The following PPP1R13B variants were observed in gnomAD, a reference collection of about 807,000 sequenced individuals.
The protein encoded by PPP1R13B is protein phosphatase 1 regulatory subunit 13B.
A neutral mutation model predicts 119.8 loss-of-function variants in PPP1R13B; 44 were observed. The observed-to-expected ratio is 0.37, with a 90% CI of 0.29 to 0.47. The LOEUF is 0.47. PPP1R13B is among the 20% of genes least tolerant of loss of function. PPP1R13B has a pLI of 0.99. For synonymous variants in PPP1R13B, 542 were observed against 561.5 expected (o/e 0.97, Z 0.49); for missense variants, 1,227 against 1,413.5 (o/e 0.87, Z 2.12).
intron 8 of PPP1R13B, among the ~76,000 whole-genome samples, 187 bp downstream of exon 8, chr14:103,749,607 C>T (rs1475292474): frequency 2.0e-5 from 3 of 152,190 alleles, no homozygotes; most frequent in Non-Finnish European, 4.4e-5. Flanking sequence ...GGTTCTGCCT[C>T]CACACACCAG....
At chr14:103,803,327 C>T (rs2085943301) in intron 1 of PPP1R13B, among the ~76,000 whole-genome samples, 1 of 152,030 alleles carries the variant, frequency 6.6e-6, no homozygotes, top group African/African-American at 2.4e-5. Context: ...TTTATCCTTC[C>T]TAAATGATTA....
rs368698415 is a variant in PPP1R13B at position 103,839,384 on chromosome 14, T to C, written c.9+7915A>G. 3.2e-4 allele frequency among the ~76,000 whole-genome samples: 48 copies of C among 151,932 alleles called. No homozygotes were observed. The South Asian group carries it at 3.9e-3, about 12-fold the overall frequency. ...GCTCACGCCTGTTAACCCCAGCACT[T>C]TGGGGGGTTGAGGCAGGCAGATCAC... On this transcript the variant is annotated intron_variant, in intron 1 of 16. Transcript: ENST00000202556.
chr14:103,841,790 C>T (rs919650061), intron 1 of PPP1R13B, among the ~76,000 whole-genome samples: 5 of 152,064 alleles, frequency 3.3e-5, no homozygotes, highest in Non-Finnish European at 5.9e-5. Flanking sequence ...TAGAAGCCTG[C>T]CAAAACAAGT....
At position 103,738,746 on chromosome 14, in the gene PPP1R13B, G is replaced by A. The variant is rs1386063778; in HGVS notation, c.2797C>T (p.His933Tyr). Residue 933 changes from histidine to tyrosine, a missense_variant, in exon 14 of 17, where the codon CAC becomes TAC. By Grantham distance (83) the His-to-Tyr change is moderately conservative (BLOSUM62 2). Transcript: ENST00000202556. The surrounding 1 kb of genome is among the most constrained non-coding windows in gnomAD (Gnocchi z 5.6). ...AGCAGGAACTTCACGATGTGATGGTGGCCGGCGCAGACGGCGTTGTGCAGT... is the reference window on the plus strand; with the variant it reads ...AGCAGGAACTTCACGATGTGATGGTAGCCGGCGCAGACGGCGTTGTGCAGT... Reference protein sequence around the residue: ...TPLHNAVCAGHHHIVKFLLDF... With the variant: ...TPLHNAVCAGYHHIVKFLLDF... 1 of 1,614,238 alleles carries A rather than the reference G, an allele frequency of 6.2e-7. No individual in the cohort carries two copies.
At chr14:103,772,171 T>C (rs1439487647) in intron 4 of PPP1R13B, among the ~76,000 whole-genome samples, 2 of 151,358 alleles carry the variant, frequency 1.3e-5, no homozygotes, top group African/African-American at 2.4e-5. Flanking sequence ...GTATTAGTAG[T>C]TCATTTCTTC....
At chr14:103,756,789 C>T (rs868568915) in intron 5 of PPP1R13B, among the ~76,000 whole-genome samples, 1 of 151,940 alleles carries the variant, frequency 6.6e-6, no homozygotes, top group African/African-American at 2.4e-5. Flanking sequence ...GATGGAGTCT[C>T]GCTCTGTTGC....
chr14:103,808,227 G>C (rs2086064691), intron 1 of PPP1R13B, among the ~76,000 whole-genome samples: 1 of 150,440 alleles, frequency 6.6e-6, no homozygotes, highest in Non-Finnish European at 1.5e-5. Flanking sequence ...CCGGGCGACA[G>C]TGACTCTATC....
rs536374965 is a variant in PPP1R13B at position 103,821,953 on chromosome 14, GAACT to G, written c.10-24439_10-24436del. Among the ~76,000 whole-genome samples the G allele has an allele frequency of 9.2e-5, 14 of 152,140 alleles. No homozygotes were observed. The East Asian group carries it at 2.1e-3, about 23-fold the overall frequency. On this transcript the variant is annotated intron_variant, in intron 1 of 16. Transcript: ENST00000202556. ...TATAATTGAGCTATCATAAAATTAA[GAACT>G]AAATATGCTGCTTTTGAGTGAAAAA... is the stretch of plus-strand genomic sequence containing the variant.
chr14:103,832,645 G>A (rs1316999725), intron 1 of PPP1R13B, among the ~76,000 whole-genome samples: 1 of 152,136 alleles, frequency 6.6e-6, no homozygotes, highest in Non-Finnish European at 1.5e-5. Flanking sequence ...AACTTAAATT[G>A]CAGCACTTTA....
intron 1 of PPP1R13B, among the ~76,000 whole-genome samples, chr14:103,807,279 C>G (rs1221335350): frequency 6.6e-6 from 1 of 152,202 alleles, no homozygotes; most frequent in Non-Finnish European, 1.5e-5. Context: ...TAGCACTACT[C>G]CATCCCTCTG....
chr14:103,848,154 A>G (rs939822144), upstream of PPP1R13B: 31 of 813,554 alleles, frequency 3.8e-5, no homozygotes, highest in Non-Finnish European at 4.6e-5. Flanking sequence ...CTTCTCCCCC[A>G]CCGGCGTCTT....
intron 1 of PPP1R13B, among the ~76,000 whole-genome samples, chr14:103,798,301 G>A (rs566053159): frequency 5.3e-5 from 8 of 151,732 alleles, no homozygotes; most frequent in East Asian, 1.9e-4. Flanking sequence ...ACAGGCGCCC[G>A]CCACCACGCC....
chr14:103,784,387 A>G (rs2085402160), intron 3 of PPP1R13B, among the ~76,000 whole-genome samples: 1 of 152,012 alleles, frequency 6.6e-6, no homozygotes, highest in Non-Finnish European at 1.5e-5. Context: ...GTTCGAGACC[A>G]GCCTGGCCAA....
intron 4 of PPP1R13B, among the ~76,000 whole-genome samples, chr14:103,768,056 T>C (rs568543495): frequency 7.9e-5 from 12 of 152,138 alleles, no homozygotes; most frequent in African/African-American, 2.6e-4. Context: ...ATAAGTTGCA[T>C]AGAATTGTTT....
At chr14:103,755,478 C>T (rs1370922859) in intron 5 of PPP1R13B, among the ~76,000 whole-genome samples, 1 of 152,114 alleles carries the variant, frequency 6.6e-6, no homozygotes, top group East Asian at 1.9e-4. Flanking sequence ...ACAATATATG[C>T]AACATTCTTC....
intron 4 of PPP1R13B, among the ~76,000 whole-genome samples, chr14:103,759,839 A>T (rs1236596279): frequency 2.0e-5 from 3 of 152,192 alleles, no homozygotes; most frequent in African/African-American, 7.2e-5. Flanking sequence ...TATTTTACTT[A>T]CCTAAACCAA....
chr14:103,833,334 A>C (rs1270424076), intron 1 of PPP1R13B, among the ~76,000 whole-genome samples: 2 of 152,020 alleles, frequency 1.3e-5, no homozygotes, highest in Non-Finnish European at 2.9e-5. Context: ...TTCAGACCTC[A>C]ACATTCTGCA....
chr14:103,808,250 A>G (rs994840275), intron 1 of PPP1R13B, among the ~76,000 whole-genome samples: 3 of 152,072 alleles, frequency 2.0e-5, no homozygotes, highest in African/African-American at 7.2e-5. Flanking sequence ...AAAAAAAAAA[A>G]AAAAATTAGT....
At chr14:103,801,772 C>A (rs1330993451) in intron 1 of PPP1R13B, among the ~76,000 whole-genome samples, 1 of 152,108 alleles carries the variant, frequency 6.6e-6, no homozygotes, top group Non-Finnish European at 1.5e-5. Context: ...GAATGACACA[C>A]AAATATAGAA....
Sources: gnomAD v4.1 joint callset for allele counts (sites outside exome capture counted in the v4.1 genomes callset) on GRCh38, gnomAD v4.1.1 for gene constraint, Gnocchi (gnomAD v3.1) non-coding constraint, MANE v1.5 for transcripts, NCBI Gene and HGNC (gene_info 2026-07-23, HGNC 2026-07-21) for gene names.